MOV10L1: variants seen among roughly 807,000 people sequenced by gnomAD.
The protein encoded by MOV10L1 is RNA helicase Mov10l1.
Under a neutral mutation model 143.8 loss-of-function variants are expected in MOV10L1, and 110 were observed. That is an observed-to-expected ratio of 0.76 (90% CI 0.66 to 0.90). MOV10L1 has a LOEUF of 0.90. Ranked by LOEUF, MOV10L1 falls within the 40% of genes least tolerant of loss-of-function variation. MOV10L1 has a pLI of 0.00. For missense variants in MOV10L1, 1,406 were observed against 1,526.8 expected (o/e 0.92, Z 1.32); for synonymous variants, 593 against 581.1 (o/e 1.02, Z -0.29).
intron 14 of MOV10L1, 151 bp downstream of exon 14, chr22:50,134,216 G>A (rs1025956300): frequency 4.7e-6 from 3 of 635,806 alleles, no homozygotes; most frequent in Non-Finnish European, 7.5e-6. Flanking sequence ...TCAAGTTTTA[G>A]TGTTTTCTTA....
chr22:50,119,991 C>T (rs2062293530), intron 9 of MOV10L1, among the ~76,000 whole-genome samples: 1 of 152,118 alleles, frequency 6.6e-6, no homozygotes, highest in Middle Eastern at 3.2e-3. Context: ...TTGGGCTTGG[C>T]TCCAGAGCAG....
chr22:50,156,030 C>T (rs186724247), intron 22 of MOV10L1, among the ~76,000 whole-genome samples: 30 of 152,064 alleles, frequency 2.0e-4, no homozygotes, highest in Non-Finnish European at 3.2e-4. Context: ...TTAGTCTGGG[C>T]GACAGAGTGA....
At chr22:50,097,299 G>T (rs2147028213) in intron 2 of MOV10L1, among the ~76,000 whole-genome samples, 1 of 152,104 alleles carries the variant, frequency 6.6e-6, no homozygotes, top group Middle Eastern at 3.4e-3. Context: ...TGTAGAGATG[G>T]GGCCTCTCTA....
In MOV10L1 at chr22:50,114,636, C is replaced by A. The variant is rs766338908; in HGVS notation, c.1126+14C>A. On this transcript the variant is annotated intron_variant, in intron 7 of 26. Coordinates refer to ENST00000262794, the MANE Select transcript of MOV10L1 (RefSeq NM_018995.3). Reference sequence around the variant, plus strand: ...GAATCTCTCCAGGTAGTGGACGTTTCGGCTGTCACTGCGTGAGGTCGGGTG... The same window carrying A: ...GAATCTCTCCAGGTAGTGGACGTTTAGGCTGTCACTGCGTGAGGTCGGGTG... 3 of 1,611,834 alleles carry A rather than the reference C, an allele frequency of 1.9e-6. No homozygotes were observed. Among genetic ancestry groups the A allele is most frequent in the Non-Finnish European group, 2.5e-6 (3 of 1,178,404 alleles).
chr22:50,146,961 G>A, intron 19 of MOV10L1: 2 of 1,119,974 alleles, frequency 1.8e-6, no homozygotes, highest in South Asian at 1.4e-5. Context: ...ACTGTGCGGT[G>A]CCCGAGAGCC....
At chr22:50,108,333 A>T in intron 4 of MOV10L1, 85 bp downstream of exon 4, 1 of 1,222,872 alleles carries the variant, frequency 8.2e-7, no homozygotes, top group Non-Finnish European at 1.2e-6. Flanking sequence ...CTTCTCCTGC[A>T]TGTGTTGGAA....
intron 24 of MOV10L1, among the ~76,000 whole-genome samples, chr22:50,160,275 G>A (rs1297297711): frequency 1.5e-5 from 2 of 137,156 alleles, no homozygotes; most frequent in Non-Finnish European, 3.0e-5. Flanking sequence ...TTGAGATGGC[G>A]TCGCTCTGTC....
intron 2 of MOV10L1, among the ~76,000 whole-genome samples, chr22:50,092,591 T>C (rs1277625810): frequency 6.6e-6 from 1 of 152,090 alleles, no homozygotes; most frequent in East Asian, 1.9e-4. Flanking sequence ...TGAGTTATGA[T>C]TGCACTACCA....
At chr22:50,102,539 T>C (rs1337351759) in intron 3 of MOV10L1, among the ~76,000 whole-genome samples, 1 of 152,254 alleles carries the variant, frequency 6.6e-6, no homozygotes, top group Non-Finnish European at 1.5e-5. Flanking sequence ...GAGTGCTTGC[T>C]GTGCTAGACA....
At chr22:50,146,538 AGGCTGAGGGTGAGAGAG>A (rs2063157172) in intron 19 of MOV10L1, among the ~76,000 whole-genome samples, 1 of 152,128 alleles carries the variant, frequency 6.6e-6, no homozygotes, top group East Asian at 1.9e-4. Context: ...TCGGGGGCAC[AGGCTGAGGGTGAGAGAG>A]GGAGAAGCCA....
chr22:50,129,174 A>C (rs2062601748), intron 13 of MOV10L1, among the ~76,000 whole-genome samples: 1 of 152,120 alleles, frequency 6.6e-6, no homozygotes, highest in Non-Finnish European at 1.5e-5. Context: ...ATACATTTGC[A>C]TGTGTATTCT....
chr22:50,098,942 CATCTT>C (rs1162018498), intron 2 of MOV10L1, among the ~76,000 whole-genome samples: 5 of 152,308 alleles, frequency 3.3e-5, no homozygotes, highest in East Asian at 1.9e-4. Flanking sequence ...TTTTTTCCCT[CATCTT>C]ATCAATGTAA....
rs765810316 is a variant in MOV10L1, at chr22:50,158,479, C to T, written c.3216+273C>T. 63 of 414,742 alleles carry T rather than the reference C, an allele frequency of 1.5e-4. No individual in the cohort carries two copies. Among genetic ancestry groups the T allele is most frequent in the Non-Finnish European group, 2.5e-4 (58 of 231,772 alleles). The allele number at this position is 414,742 out of a possible 1,614,324, so 25.7% of individuals were successfully genotyped here. A position where few individuals can be genotyped will look rare whatever the true frequency, so the allele number is the denominator to read the frequency against. On this transcript the variant is annotated intron_variant, in intron 23 of 26. Coordinates refer to ENST00000262794, the MANE Select transcript of MOV10L1 (RefSeq NM_018995.3). This position sits in a 1 kb window ranked among gnomAD's most constrained non-coding sequence, Gnocchi z 5.0. Reference sequence around the variant, plus strand: ...CATTTATATGTCCCTTGATATTTGGCCCTTTGGGAAAACATTTGCCAACCC... The same window carrying T: ...CATTTATATGTCCCTTGATATTTGGTCCTTTGGGAAAACATTTGCCAACCC...
In MOV10L1 at chr22:50,128,456, T is replaced by G. The variant is rs2062576077; in HGVS notation, c.1859T>G (p.Phe620Cys). ...EDVTLKINPE[F>C]EQAYNFEPMD... Reference sequence around the variant, plus strand: ...GTAACTCTTAAAATTAATCCAGAATTTGAACAAGCCTATAACTTTGAACCT... The same window carrying G: ...GTAACTCTTAAAATTAATCCAGAATGTGAACAAGCCTATAACTTTGAACCT... Residue 620 changes from phenylalanine to cysteine, a missense_variant, in exon 13 of 27, where the codon TTT becomes TGT. Physicochemically the swap from Phe to Cys is radical, Grantham distance 205. Transcript: ENST00000262794. 6.4e-7 allele frequency: 1 copy of G among 1,562,326 alleles called. No homozygotes were observed. Among genetic ancestry groups the G allele is most frequent in the Non-Finnish European group, 8.8e-7 (1 of 1,136,630 alleles).
At chr22:50,095,361 T>G (rs2062562952) in intron 2 of MOV10L1, 1 of 152,244 alleles carries the variant, frequency 6.6e-6, no homozygotes, top group Non-Finnish European at 1.5e-5. Flanking sequence ...TACAACTGGC[T>G]CATTCACACT....
intron 16 of MOV10L1, 57 bp downstream of exon 16, chr22:50,142,246 C>A: frequency 6.9e-7 from 1 of 1,451,546 alleles, no homozygotes; most frequent in Non-Finnish European, 9.4e-7. Flanking sequence ...GCCTGGAAAA[C>A]GGGGACTTTG....
intron 19 of MOV10L1, among the ~76,000 whole-genome samples, chr22:50,147,686 A>C (rs557219284): frequency 7.2e-4 from 110 of 152,390 alleles, no homozygotes; most frequent in African/African-American, 2.5e-3. Flanking sequence ...TTCAAAGGGC[A>C]AAGAAGTAGC....
intron 17 of MOV10L1, among the ~76,000 whole-genome samples, chr22:50,143,751 G>A (rs1225604380): frequency 4.6e-5 from 7 of 152,192 alleles, no homozygotes; most frequent in Non-Finnish European, 7.3e-5. Flanking sequence ...ATCATAAGCC[G>A]AAGACCATCT....
At chr22:50,142,241 G>C (rs2063009777) in intron 16 of MOV10L1, 52 bp downstream of exon 16, 15 of 1,470,058 alleles carry the variant, frequency 1.0e-5, no homozygotes, top group African/African-American at 1.4e-5. Flanking sequence ...CTGTCGCCTG[G>C]AAAACGGGGA....
Sources: gnomAD v4.1 joint callset for allele counts (sites outside exome capture counted in the v4.1 genomes callset) on GRCh38, gnomAD v4.1.1 for gene constraint, Gnocchi (gnomAD v3.1) non-coding constraint, MANE v1.5 for transcripts, NCBI Gene and HGNC (gene_info 2026-07-23, HGNC 2026-07-21) for gene names.